The following MVP variants were observed in gnomAD, a reference collection of about 807,000 sequenced individuals.
The protein encoded by MVP is major vault protein.
A neutral mutation model predicts 83.5 loss-of-function variants in MVP; 62 were observed. The ratio of observed to expected loss-of-function variants is 0.74; its 90% confidence interval spans 0.61 to 0.92. MVP has a LOEUF of 0.92. Among genes scored for constraint, MVP ranks in the 40% least tolerant of loss-of-function variants. MVP has a pLI of 0.00. For synonymous variants in MVP, 505 were observed against 504.1 expected, an observed-to-expected ratio of 1.00 and a Z score of -0.02; for missense variants, 1,000 against 1,203.4, an observed-to-expected ratio of 0.83 and a Z score of 2.50.
At chr16:29,823,487 C>T (rs2150749568) in intron 1 of MVP, among the ~76,000 whole-genome samples, 1 of 152,022 alleles carries the variant, frequency 6.6e-6, no homozygotes, top group East Asian at 1.9e-4. Context: ...AGTAAGTGGC[C>T]CAGGAGCATG....
At position 29,842,058 on chromosome 16, in the gene MVP, T is replaced by A. The variant is rs1228253828; in HGVS notation, c.1580T>A (p.Ile527Asn). ...LLGPDFFTDV[I>N]TIETADHARL... ...GGGCCTGACTTCTTCACAGACGTCA[T>A]CACCATCGAAACGGCGGATCATGCC... Residue 527 changes from isoleucine to asparagine, a missense_variant, in exon 10 of 15, where the codon ATC (isoleucine) becomes AAC (asparagine). Physicochemically the swap from Ile to Asn is moderately radical, Grantham distance 149 (BLOSUM62 -3). Transcript: ENST00000357402. 6.2e-7 allele frequency: 1 copy of A among 1,609,364 alleles called. No homozygotes were observed. The highest frequency in any genetic ancestry group is 8.5e-7 in the Non-Finnish European group (1 of 1,179,880).
intron 7 of MVP, among the ~76,000 whole-genome samples, chr16:29,837,323 G>C (rs1054174138): frequency 6.6e-6 from 1 of 152,236 alleles, no homozygotes; most frequent in African/African-American, 2.4e-5. Context: ...ATGGCACCTA[G>C]TCTAGATGGC....
Position 29,836,773 on chromosome 16 carries a change from T to C in MVP, c.724T>C (p.Ser242Pro), listed in dbSNP as rs201384895. 334 of 1,611,994 alleles carry C rather than the reference T, an allele frequency of 2.1e-4. No individual in the cohort carries two copies. The African/African-American group carries it at 3.7e-3, about 18-fold the overall frequency. The change falls in exon 7 of 15, where the codon TCC becomes CCC. Residue 242 changes from serine to proline, a missense_variant. Transcript: ENST00000357402. ...GAACTTCCGGGACTTCAGGGGAGTG[T>C]CCCGCCGCACTGGGGAGGAGTGGCT... ...RRNFRDFRGVSRRTGEEWLVT... is the reference protein window; with the variant it reads ...RRNFRDFRGVPRRTGEEWLVT...
At position 29,843,446 on chromosome 16, in the gene MVP, G is replaced by A. The variant is rs565124871; in HGVS notation, c.1635-1047G>A. Among the ~76,000 whole-genome samples the A allele has an allele frequency of 1.4e-4, 21 of 149,058 alleles. No individual in the cohort carries two copies. The South Asian group carries it at 3.9e-3, about 27-fold the overall frequency. On this transcript the variant is annotated intron_variant, in intron 10 of 14. Transcript: ENST00000357402. ...GGAATTTGAGGCTGCAGCAAGCTAT[G>A]ATTGTGCCACCACACTCCAGCCTGG... is the stretch of plus-strand genomic sequence containing the variant.
In MVP at chr16:29,841,765, A is replaced by G; in HGVS notation, c.1361A>G (p.Lys454Arg). 1 of 1,613,688 alleles carries G rather than the reference A, an allele frequency of 6.2e-7. No individual in the cohort carries two copies. Among genetic ancestry groups the G allele is most frequent in the Non-Finnish European group, 8.5e-7 (1 of 1,179,960 alleles). ...KSLQPLAPRN[K>R]TRVVSYRVPH... ...CTCCAGCCCTTGGCGCCCCGGAACA[A>G]GACCCGTGTGGTCAGCTACCGCGTG... Residue 454 changes from lysine (K) to arginine (R), a missense_variant, in exon 9 of 15, where the codon AAG becomes AGG. By Grantham distance (26) the Lys-to-Arg change is conservative. Coordinates refer to ENST00000357402, the MANE Select transcript of MVP (RefSeq NM_005115.5). The surrounding 1 kb of genome is among the most constrained non-coding windows in gnomAD (Gnocchi z 4.7).
chr16:29,829,296 G>T (rs528867492), intron 1 of MVP, among the ~76,000 whole-genome samples: 1 of 150,452 alleles, frequency 6.6e-6, no homozygotes, highest in African/African-American at 2.5e-5. Flanking sequence ...ACCAGCCTAG[G>T]CAACATAATG....
rs766972215 is a variant in MVP, at chr16:29,847,867, G to A, written c.2560G>A (p.Glu854Lys). The A allele has an allele frequency of 1.3e-5, 21 of 1,614,064 alleles. No homozygotes were observed. The highest frequency in any genetic ancestry group is 1.6e-5 in the Non-Finnish European group (19 of 1,180,020). ...CTTTGGGCTGCTGGGGATGGGGCCC[G>A]AGGGTCAGCCCCTGGGCAGAAGGGT... Reference protein sequence around the residue: ...TAFGLLGMGPEGQPLGRRVAS... With the variant: ...TAFGLLGMGPKGQPLGRRVAS... The change falls in exon 15 of 15, where the codon GAG becomes AAG. Residue 854 changes from glutamate to lysine, a missense_variant. Coordinates refer to ENST00000357402, the MANE Select transcript of MVP (RefSeq NM_005115.5).
At position 29,847,365 on chromosome 16, in the gene MVP, G is replaced by A; in HGVS notation, c.2434G>A (p.Val812Met). Residue 812 changes from valine to methionine, a missense_variant, in exon 14 of 15, where the codon GTG (valine) becomes ATG (methionine). Val to Met is a conservative substitution (Grantham distance 21). Coordinates refer to ENST00000357402, the MANE Select transcript of MVP (RefSeq NM_005115.5). Reference protein sequence around the residue: ...IGPSTIRDLAVAGPEMQVKLL... With the variant: ...IGPSTIRDLAMAGPEMQVKLL... ...CCCCAGCACCATCAGGGACCTTGCT[G>A]TGGCTGGGCCTGAGATGCAGGTGAG... The A allele has an allele frequency of 6.4e-7, 1 of 1,565,830 alleles. No homozygotes were observed. The highest frequency in any genetic ancestry group is 8.6e-7 in the Non-Finnish European group (1 of 1,159,226).
chr16:29,841,246 C>CA lies in MVP; in HGVS notation c.1192-347dup, dbSNP rs1210980077. ...ACTTCACCATCCCCGAGGTGCCCTC[C>CA]AAACTGCCCCATGAAGGAAGATTCT... is the stretch of plus-strand genomic sequence containing the variant. On this transcript the variant is annotated intron_variant, in intron 8 of 14. Coordinates refer to ENST00000357402, the MANE Select transcript of MVP (RefSeq NM_005115.5). The surrounding 1 kb of genome is among the most constrained non-coding windows in gnomAD (Gnocchi z 4.7). Among the ~76,000 whole-genome samples, 2 of 152,168 alleles carry CA rather than the reference C, an allele frequency of 1.3e-5. No homozygotes were observed. The highest frequency in any genetic ancestry group is 4.8e-5 in the African/African-American group (2 of 41,440).
intron 3 of MVP, chr16:29,831,792 G>A (rs2067444310): frequency 2.2e-6 from 1 of 451,076 alleles, no homozygotes; most frequent in African/African-American, 2.0e-5. Context: ...CCTGTTCTAG[G>A]AGAAGCCATC....
Position 29,833,781 on chromosome 16 carries a change from A to G in MVP, c.370A>G (p.Lys124Glu). The G allele has an allele frequency of 6.2e-7, 1 of 1,614,004 alleles. No homozygotes were observed. ...VVLPNTALHL[K>E]ALLDFEDKDG... ...TCTGCCCAACACTGCCCTCCATCTA[A>G]AGGCGCTGCTTGATTTTGAGGATAA... is the stretch of plus-strand genomic sequence containing the variant. The change falls in exon 4 of 15, where the codon AAG becomes GAG. Residue 124 changes from lysine (K) to glutamate (E), a missense_variant. Transcript: ENST00000357402.
rs1031547403 is a variant in MVP, at chr16:29,833,944, T to A, written c.455T>A (p.Ile152Asn). The A allele has an allele frequency of 6.2e-7, 1 of 1,613,740 alleles. No homozygotes were observed. The highest frequency in any genetic ancestry group is 1.3e-5 in the African/African-American group (1 of 74,810). Residue 152 changes from isoleucine to asparagine, a missense_variant, in exon 5 of 15, where the codon ATC becomes AAC. Physicochemically the swap from Ile to Asn is moderately radical, Grantham distance 149. Transcript: ENST00000357402. ...EWLFEGPGTY[I>N]PRKEVEVVEI... ...CACCTTCCCTCCCCAGGCACGTACA[T>A]CCCCCGGAAGGAAGTGGAGGTCGTG...
chr16:29,836,099 C>A (rs1411483821), intron 6 of MVP, among the ~76,000 whole-genome samples: 1 of 151,706 alleles, frequency 6.6e-6, no homozygotes, highest in Admixed American at 6.6e-5. Context: ...GAACTCATCG[C>A]TACAAAAAAT....
chr16:29,826,987 G>A (rs889768444), intron 1 of MVP, among the ~76,000 whole-genome samples: 2 of 151,568 alleles, frequency 1.3e-5, no homozygotes, highest in Admixed American at 6.6e-5. Context: ...CTAGGAAGTC[G>A]TCTTTCCAGA....
chr16:29,836,021 T>C (rs1341028527), intron 6 of MVP, among the ~76,000 whole-genome samples: 3 of 151,924 alleles, frequency 2.0e-5, no homozygotes, highest in Non-Finnish European at 4.4e-5. Flanking sequence ...ATCTCAGCAA[T>C]TTGGAAGGCT....
In MVP at chr16:29,844,523, C is replaced by G; in HGVS notation, c.1665C>G (p.Pro555=). ...WHFEVNDRKD[P]QETAKLFSVP... ...TTGAGGTGAATGACCGGAAGGACCCCCAAGAGACGGCCAAGCTCTTTTCAG... is the reference window on the plus strand; with the variant it reads ...TTGAGGTGAATGACCGGAAGGACCCGCAAGAGACGGCCAAGCTCTTTTCAG... Residue 555 remains proline (P), a synonymous_variant, in exon 11 of 15, where the codon CCC becomes CCG. Coordinates refer to ENST00000357402, the MANE Select transcript of MVP (RefSeq NM_005115.5). 6.4e-7 allele frequency: 1 copy of G among 1,561,206 alleles called. No homozygotes were observed.
chr16:29,830,649 A>G lies in MVP; in HGVS notation c.100A>G (p.Thr34Ala), dbSNP rs563366288. 1 of 1,612,576 alleles carries G rather than the reference A, an allele frequency of 6.2e-7. No individual in the cohort carries two copies. The highest frequency in any genetic ancestry group is 2.2e-5 in the East Asian group (1 of 44,782). The change falls in exon 2 of 15, where the codon ACC (threonine) becomes GCC (alanine). Residue 34 changes from threonine to alanine, a missense_variant. Coordinates refer to ENST00000357402, the MANE Select transcript of MVP (RefSeq NM_005115.5). Reference protein sequence around the residue: ...NVSRVEVGPKTYIRQDNERVL... With the variant: ...NVSRVEVGPKAYIRQDNERVL... ...GTCCCGTGTGGAGGTCGGGCCAAAG[A>G]CCTACATCCGGCAGGACAATGAGAG...
chr16:29,836,726 C>T lies in MVP; in HGVS notation c.677C>T (p.Ala226Val). The stretch of plus-strand genomic sequence containing the variant: ...ACCCAACATGTTGCTCTGCAGACAG[C>T]CCTGCACCTCCGGGCTCGGCGGAAC... Reference protein sequence around the residue: ...VDAVILTEKTALHLRARRNFR... With the variant: ...VDAVILTEKTVLHLRARRNFR... The change falls in exon 7 of 15, where the codon GCC becomes GTC. Residue 226 changes from alanine to valine, a missense_variant. Physicochemically the swap from Ala to Val is moderately conservative, Grantham distance 64 (BLOSUM62 0). Transcript: ENST00000357402. 3 of 1,583,244 alleles carry T rather than the reference C, an allele frequency of 1.9e-6. No homozygotes were observed. The highest frequency in any genetic ancestry group is 2.6e-6 in the Non-Finnish European group (3 of 1,161,090).
chr16:29,833,907 C>T, intron 4 of MVP, 28 bp from the exon 5 acceptor site: 1 of 1,614,118 alleles, frequency 6.2e-7, no homozygotes, highest in South Asian at 1.1e-5. Context: ...AGCCCTGATA[C>T]CTTCTGACCA....
Sources: gnomAD v4.1 joint callset for allele counts (sites outside exome capture counted in the v4.1 genomes callset) on GRCh38, gnomAD v4.1.1 for gene constraint, Gnocchi (gnomAD v3.1) non-coding constraint, MANE v1.5 for transcripts, NCBI Gene and HGNC (gene_info 2026-07-23, HGNC 2026-07-21) for gene names.